SGSM1: variants seen among roughly 807,000 people sequenced by gnomAD.
The protein encoded by SGSM1 is small G protein signaling modulator 1, also known as RUN and TBC1 domain containing 2.
Under a neutral mutation model 133.8 loss-of-function variants are expected in SGSM1, and 73 were observed. The ratio of observed to expected loss-of-function variants is 0.55; its 90% CI spans 0.45 to 0.66. The LOEUF is 0.66. Ranked by LOEUF, SGSM1 falls within the 30% of genes least tolerant of loss-of-function variation. The pLI is 0.00. For synonymous variants in SGSM1, 563 were observed against 573.0 expected (o/e 0.98, Z 0.25); for missense variants, 1,213 against 1,448.1 (o/e 0.84, Z 2.64).
intron 4 of SGSM1, 28 bp downstream of exon 4, chr22:24,847,824 G>C (rs953585432): frequency 6.2e-7 from 1 of 1,607,806 alleles, no homozygotes; most frequent in Non-Finnish European, 8.5e-7. Context: ...GGCACAGGTG[G>C]GAGCAGCTCC....
intron 8 of SGSM1, 113 bp from the exon 9 acceptor site, chr22:24,859,603 G>C (rs1469732729): frequency 6.9e-7 from 1 of 1,456,956 alleles, no homozygotes; most frequent in South Asian, 1.2e-5. Context: ...GCCTTGAAGG[G>C]ATTAACCCAA....
At chr22:24,861,306 C>A (rs139706) in intron 9 of SGSM1, among the ~76,000 whole-genome samples, 3 of 146,764 alleles carry the variant, frequency 2.0e-5, no homozygotes, top group African/African-American at 7.5e-5. Flanking sequence ...GAGCCGAGAT[C>A]GCGCCACTGC....
At chr22:24,826,515 T>G (rs1928809165) in intron 2 of SGSM1, among the ~76,000 whole-genome samples, 1 of 152,206 alleles carries the variant, frequency 6.6e-6, no homozygotes, top group South Asian at 2.1e-4. Context: ...TGTAGTCCGA[T>G]TATCGTCAGC....
chr22:24,919,265 T>C (rs1351672696), intron 23 of SGSM1, among the ~76,000 whole-genome samples: 3 of 151,916 alleles, frequency 2.0e-5, no homozygotes, highest in Non-Finnish European at 2.9e-5. Flanking sequence ...TTGGCCAGGC[T>C]GATCTTGAAC....
Position 24,850,285 on chromosome 22 carries a change from A to G in SGSM1, c.308A>G (p.Asn103Ser). The change falls in exon 5 of 25, where the codon AAC becomes AGC. Residue 103 changes from asparagine to serine, a missense_variant. Asn to Ser is a conservative substitution (Grantham distance 46). Transcript: ENST00000400358. ...DLEQLIESAR[N>S]QIQGLQENVR... The stretch of plus-strand genomic sequence containing the variant: ...GTCTTTTATTGGTCTTGAAGGAGAA[A>G]CCAGATTCAAGGCCTCCAGGAGAAT... 6.3e-7 allele frequency: 1 copy of G among 1,592,628 alleles called. No individual in the cohort carries two copies. The highest frequency in any genetic ancestry group is 1.1e-5 in the South Asian group (1 of 88,174).
intron 5 of SGSM1, among the ~76,000 whole-genome samples, chr22:24,853,521 C>A (rs1432754236): frequency 6.6e-6 from 1 of 152,088 alleles, no homozygotes; most frequent in East Asian, 1.9e-4. Context: ...AAAGATATAC[C>A]CAAAACTGGG....
In SGSM1 at chr22:24,894,215, G is replaced by A. The variant is rs544877006; in HGVS notation, c.1953+602G>A. ...GGTCAGGAGTTCAAGACCAGCCTTG[G>A]CCAACATGGTGAAACCCCATCTCTG... On this transcript the variant is annotated intron_variant, in intron 17 of 24. Transcript: ENST00000400358. Among the ~76,000 whole-genome samples the A allele has an allele frequency of 2.0e-5, 3 of 152,264 alleles. No homozygotes were observed. In the South Asian group the frequency reaches 6.2e-4, roughly 32 times the overall value.
At position 24,925,622 on chromosome 22, in the gene SGSM1, G is replaced by T. The variant is rs1378064080; in HGVS notation, c.*1348G>T. ...TGCTGCCATCTTGCAAGGGAAAACC[G>T]CCTCTCCTTCCAAGTATTGGGTCTT... is the stretch of plus-strand genomic sequence containing the variant. On this transcript the variant is annotated 3_prime_UTR_variant, in exon 25 of 25. Coordinates refer to ENST00000400358, the MANE Select transcript of SGSM1 (RefSeq NM_001098497.3). The T allele has an allele frequency of 6.6e-6, 1 of 152,242 alleles. No homozygotes were observed. Among genetic ancestry groups the T allele is most frequent in the Admixed American group, 6.5e-5 (1 of 15,280 alleles). The allele number at this position is 152,242 out of a possible 1,614,324, so 9.4% of individuals were successfully genotyped here.
intron 5 of SGSM1, among the ~76,000 whole-genome samples, chr22:24,853,668 G>A (rs367804481): frequency 4.0e-5 from 6 of 151,414 alleles, no homozygotes; most frequent in East Asian, 1.9e-4. Flanking sequence ...GTGCAGTGGC[G>A]CCATCTTGGC....
intron 2 of SGSM1, among the ~76,000 whole-genome samples, chr22:24,810,073 A>G (rs1289621516): frequency 6.6e-6 from 1 of 152,214 alleles, no homozygotes; most frequent in East Asian, 1.9e-4. Context: ...CAAAGGAGAA[A>G]GGTGCAGATG....
At chr22:24,854,848 G>A (rs1930675662) in intron 5 of SGSM1, 148 bp from the exon 6 acceptor site, 1 of 625,886 alleles carries the variant, frequency 1.6e-6, no homozygotes, top group South Asian at 2.0e-5. Context: ...AGCCCTATGA[G>A]CTATATTATT....
intron 2 of SGSM1, among the ~76,000 whole-genome samples, chr22:24,836,625 T>C (rs1472304641): frequency 2.0e-5 from 3 of 152,240 alleles, no homozygotes; most frequent in Non-Finnish European, 4.4e-5. Context: ...TTCTGTTTTT[T>C]CATAGCAGCC....
chr22:24,850,499 A>T (rs1002643923), intron 5 of SGSM1, 67 bp downstream of exon 5: 2 of 1,570,998 alleles, frequency 1.3e-6, no homozygotes, highest in African/African-American at 1.4e-5. Context: ...TGGAAATTGC[A>T]CCCCCTGGCA....
chr22:24,821,733 T>TCC (rs139623), intron 2 of SGSM1, among the ~76,000 whole-genome samples: 1 of 152,198 alleles, frequency 6.6e-6, no homozygotes, highest in Non-Finnish European at 1.5e-5. Context: ...TTTCTTATTT[T>TCC]CCCCCCCAAA....
At chr22:24,906,684 G>T (rs1344508799) in intron 21 of SGSM1, among the ~76,000 whole-genome samples, 1 of 152,210 alleles carries the variant, frequency 6.6e-6, no homozygotes, top group Non-Finnish European at 1.5e-5. Flanking sequence ...TGTAATCCCA[G>T]CGTTTCGGGA....
Position 24,912,649 on chromosome 22 carries a change from T to C in SGSM1, c.2825T>C (p.Leu942Pro), listed in dbSNP as rs1933671114. ...TTCTGTGATGCTTTCTCAGAGGCCC[T>C]TGCCTTCAGCTGCTTCACGGAGCTC... ...PLLVILDDEA[L>P]AFSCFTELMK... Residue 942 changes from leucine to proline, a missense_variant, in exon 22 of 25, where the codon CTT becomes CCT. By Grantham distance (98) the Leu-to-Pro change is moderately conservative. Coordinates refer to ENST00000400358, the MANE Select transcript of SGSM1 (RefSeq NM_001098497.3). The C allele has an allele frequency of 1.2e-6, 2 of 1,611,840 alleles. No homozygotes were observed. The highest frequency in any genetic ancestry group is 1.7e-6 in the Non-Finnish European group (2 of 1,178,936).
At position 24,927,365 on chromosome 22, in the gene SGSM1, A is replaced by G. The variant is rs1389787673; in HGVS notation, c.*3091A>G. ...CTCTTGGTCTCAGCTTCTCTGGCAT[A>G]AAGTCATTTCTGCCACATTCTGTTG... is the stretch of plus-strand genomic sequence containing the variant. On this transcript the variant is annotated 3_prime_UTR_variant, in exon 25 of 25. Transcript: ENST00000400358. The G allele has an allele frequency of 6.6e-6, 1 of 152,262 alleles. No homozygotes were observed. The highest frequency in any genetic ancestry group is 2.4e-5 in the African/African-American group (1 of 41,478). The allele number at this position is 152,262 out of a possible 1,614,324, so 9.4% of individuals were successfully genotyped here.
intron 12 of SGSM1, among the ~76,000 whole-genome samples, chr22:24,875,003 G>C (rs879718278): frequency 6.6e-6 from 1 of 152,194 alleles, no homozygotes; most frequent in African/African-American, 2.4e-5. Context: ...GAATTACATC[G>C]TACAGGCAGC....
intron 2 of SGSM1, among the ~76,000 whole-genome samples, chr22:24,832,566 G>A (rs747204510): frequency 4.6e-5 from 7 of 152,262 alleles, no homozygotes; most frequent in African/African-American, 1.4e-4. Context: ...CATAATGAGC[G>A]AATAATACAG....
Sources: gnomAD v4.1 joint callset for allele counts (sites outside exome capture counted in the v4.1 genomes callset) on GRCh38, gnomAD v4.1.1 for gene constraint, MANE v1.5 for transcripts, NCBI Gene and HGNC (gene_info 2026-07-23, HGNC 2026-07-21) for gene names.